The following ENOX1 variants were observed in gnomAD, a reference collection of about 807,000 sequenced individuals.
The protein encoded by ENOX1 is ecto-NOX disulfide-thiol exchanger 1, also known as candidate growth-related and time keeping constitutive hydroquinone (NADH) oxidase.
Under a neutral mutation model 82.5 loss-of-function variants are expected in ENOX1, and 42 were observed. That is an observed-to-expected ratio of 0.51 (90% confidence interval 0.40 to 0.66). The LOEUF is 0.66. ENOX1 is among the 30% of genes least tolerant of loss of function. The probability of loss-of-function intolerance (pLI) is 0.00; values close to 1 mark genes in which losing one functional copy is unlikely to be tolerated. For missense variants in ENOX1, 608 were observed against 811.6 expected (o/e 0.75, Z 3.05); for synonymous variants, 271 against 282.2 (o/e 0.96, Z 0.40).
intron 1 of ENOX1, among the ~76,000 whole-genome samples, chr13:43,754,035 T>C (rs9567259): frequency 0.86 from 107,268 of 125,324 alleles, 46,960 homozygotes; most frequent in Non-Finnish European, 0.94. Context: ...TACATATATA[T>C]GTATATAAAT....
intron 1 of ENOX1, among the ~76,000 whole-genome samples, chr13:43,698,373 T>C (rs560620783): frequency 2.2e-4 from 34 of 152,254 alleles, no homozygotes; most frequent in Non-Finnish European, 3.8e-4. Context: ...AGATCAATTA[T>C]ATAAAGTTGG....
At chr13:43,581,452 C>A (rs933789971) in intron 2 of ENOX1, among the ~76,000 whole-genome samples, 2 of 152,156 alleles carry the variant, frequency 1.3e-5, no homozygotes, top group Non-Finnish European at 2.9e-5. Context: ...TTCTTAATGG[C>A]TTCCTCTGGC....
intron 5 of ENOX1, among the ~76,000 whole-genome samples, chr13:43,403,696 A>G (rs2153592097): frequency 6.6e-6 from 1 of 152,144 alleles, no homozygotes; most frequent in East Asian, 1.9e-4. Context: ...TAAACATACA[A>G]AAAATTAGCT....
At chr13:43,589,259 T>C (rs1593977217) in intron 2 of ENOX1, among the ~76,000 whole-genome samples, 1 of 138,048 alleles carries the variant, frequency 7.2e-6, no homozygotes, top group South Asian at 2.3e-4. Context: ...CTGCAGAAAG[T>C]AGTGCTGTTA....
At chr13:43,236,511 GAAATT>G in intron 15 of ENOX1, 120 bp downstream of exon 15, 1 of 579,868 alleles carries the variant, frequency 1.7e-6, no homozygotes, top group East Asian at 3.4e-5. Flanking sequence ...TAATCTTGAT[GAAATT>G]AATCTCACCT....
chr13:43,408,831 G>A (rs2153596770), intron 5 of ENOX1, among the ~76,000 whole-genome samples: 1 of 152,128 alleles, frequency 6.6e-6, no homozygotes, highest in Non-Finnish European at 1.5e-5. Flanking sequence ...AAGTCACTGG[G>A]GGCATGGAAA....
rs181147028 is a variant in ENOX1 at position 43,283,593 on chromosome 13, G to A, written c.1447-14016C>T. ...CCCAGTTATCTGGGACCACAGGCAC[G>A]TGCTACTATGCCTAGCTAATTAATT... On this transcript the variant is annotated intron_variant, in intron 12 of 16. Transcript: ENST00000690772. Among the ~76,000 whole-genome samples, 5 of 151,888 alleles carry A rather than the reference G, an allele frequency of 3.3e-5. No individual in the cohort carries two copies. In the East Asian group the frequency reaches 9.7e-4, roughly 29 times the overall value.
chr13:43,454,685 T>C (rs531095313), intron 3 of ENOX1, among the ~76,000 whole-genome samples: 3 of 152,252 alleles, frequency 2.0e-5, no homozygotes, highest in African/African-American at 7.2e-5. Flanking sequence ...GTAATATTGT[T>C]TACTACCAAG....
chr13:43,761,407 T>C (rs887721882), intron 1 of ENOX1, among the ~76,000 whole-genome samples: 1 of 152,228 alleles, frequency 6.6e-6, no homozygotes, highest in African/African-American at 2.4e-5. Flanking sequence ...TTGAAATTAC[T>C]TCAGATAAAT....
chr13:43,531,542 A>G (rs1593663268), intron 2 of ENOX1, among the ~76,000 whole-genome samples: 3 of 148,694 alleles, frequency 2.0e-5, no homozygotes, highest in Non-Finnish European at 3.0e-5. Flanking sequence ...TAGAACTAGA[A>G]ATACCATTTG....
chr13:43,723,410 G>A (rs2088709088), intron 1 of ENOX1, among the ~76,000 whole-genome samples: 1 of 151,970 alleles, frequency 6.6e-6, no homozygotes, highest in Non-Finnish European at 1.5e-5. Flanking sequence ...AATTACTCAG[G>A]AGCCTTGTAA....
At chr13:43,282,267 G>A (rs2045428478) in intron 12 of ENOX1, among the ~76,000 whole-genome samples, 1 of 151,986 alleles carries the variant, frequency 6.6e-6, no homozygotes, top group Non-Finnish European at 1.5e-5. Context: ...GATTAATTTT[G>A]CTTTTCTAAA....
chr13:43,335,768 C>CAAAAA (rs386378967), intron 9 of ENOX1, among the ~76,000 whole-genome samples: 1 of 116,924 alleles, frequency 8.6e-6, no homozygotes, highest in Non-Finnish European at 1.8e-5. Context: ...GGAAGGATAC[C>CAAAAA]AAAAAAAAAA....
At chr13:43,441,841 CT>C (rs1017227053) in intron 3 of ENOX1, among the ~76,000 whole-genome samples, 28 of 148,028 alleles carry the variant, frequency 1.9e-4, no homozygotes, top group African/African-American at 5.0e-4. Flanking sequence ...AGAAAGAACA[CT>C]TTTTTTTTTA....
intron 9 of ENOX1, among the ~76,000 whole-genome samples, chr13:43,333,259 A>C (rs992464976): frequency 3.9e-5 from 6 of 152,202 alleles, no homozygotes; most frequent in Non-Finnish European, 5.9e-5. Context: ...GGCAAGTTGC[A>C]CTCTATGTCC....
intron 2 of ENOX1, among the ~76,000 whole-genome samples, chr13:43,536,553 T>TA (rs5803184): frequency 1.7e-4 from 25 of 149,874 alleles, no homozygotes; most frequent in South Asian, 2.1e-4. Context: ...GAGTTTCACT[T>TA]AAAAAAAAAA....
rs118085203 is a variant in ENOX1 at position 43,273,705 on chromosome 13, G to T, written c.1447-4128C>A. The stretch of plus-strand genomic sequence containing the variant: ...CTTACCCCTTTGGCCTGCTGCTCTT[G>T]TCCAGGGCAGAACCTACACTACGAA... On this transcript the variant is annotated intron_variant, in intron 12 of 16. Transcript: ENST00000690772. Among the ~76,000 whole-genome samples, 288 of 152,270 alleles carry T rather than the reference G, an allele frequency of 1.9e-3. 1 individual carries two copies. The highest frequency in any genetic ancestry group is 0.011 in the South Asian group (55 of 4,822).
chr13:43,435,691 T>A (rs914285269), intron 3 of ENOX1, among the ~76,000 whole-genome samples: 5 of 152,218 alleles, frequency 3.3e-5, no homozygotes, highest in Non-Finnish European at 7.3e-5. Flanking sequence ...TATGCTTTTT[T>A]AAATATAATG....
At chr13:43,224,853 C>T (rs1399730672) in intron 15 of ENOX1, among the ~76,000 whole-genome samples, 2 of 152,166 alleles carry the variant, frequency 1.3e-5, no homozygotes, top group Non-Finnish European at 2.9e-5. Context: ...AAAAGCTGGA[C>T]GTTGAAGTCA....
Sources: allele counts gnomAD v4.1 joint callset (sites outside exome capture counted in the v4.1 genomes callset), GRCh38; gene constraint gnomAD v4.1.1; transcripts MANE v1.5; gene names NCBI Gene and HGNC (gene_info 2026-07-23, HGNC 2026-07-21).